Variants in CNTLN observed in about 807,000 individuals in gnomAD.
CNTLN encodes the protein centlein, also known as centlein, centrosomal protein.
A neutral mutation model predicts 180.0 loss-of-function variants in CNTLN; 212 were observed. That is an observed-to-expected ratio of 1.18 (90% CI 1.05 to 1.32). The LOEUF (loss-of-function observed/expected upper bound fraction) is 1.32. Ranked by LOEUF, CNTLN falls within the 40% of genes most tolerant of loss-of-function variation. CNTLN has a pLI of 0.00. For synonymous variants in CNTLN, 722 were observed against 563.1 expected (o/e 1.28, Z -3.99); for missense variants, 2,095 against 1,610.9 (o/e 1.30, Z -5.14).
intron 2 of CNTLN, among the ~76,000 whole-genome samples, chr9:17,162,421 G>C (rs1354853053): frequency 6.6e-6 from 1 of 152,088 alleles, no homozygotes; most frequent in African/African-American, 2.4e-5. Context: ...GCCTCGTCTT[G>C]CTTTCTTTTA....
At position 17,394,934 on chromosome 9, in the gene CNTLN, A is replaced by G. The variant is rs1826398421; in HGVS notation, c.2480A>G (p.Lys827Arg). The change falls in exon 15 of 26, where the codon AAG (lysine) becomes AGG (arginine). Residue 827 changes from lysine to arginine, a missense_variant. Transcript: ENST00000380647. The part of the protein sequence containing the change: ...GRYDCKTTMT[K>R]VKFKAAKKNC... The stretch of plus-strand genomic sequence containing the variant: ...TATGATTGTAAGACAACTATGACCA[A>G]GGTTAAATTTAAAGCTGCGAAGAAA... The G allele has an allele frequency of 2.5e-6, 4 of 1,614,118 alleles. No individual in the cohort carries two copies. Among genetic ancestry groups the G allele is most frequent in the South Asian group, 2.2e-5 (2 of 91,082 alleles).
In CNTLN at chr9:17,503,592, TCCCTC is replaced by T. The variant is rs1400544744; in HGVS notation, c.*941_*945del. The stretch of plus-strand genomic sequence containing the variant: ...CATCATTCAGCTCCACCTTCCCCGG[TCCCTC>T]AGAGACACATTCTCTGACCAGCTTA... On this transcript the variant is annotated 3_prime_UTR_variant, in exon 26 of 26. Transcript: ENST00000380647. 1 of 152,318 alleles carries T rather than the reference TCCCTC, an allele frequency of 6.6e-6. No individual in the cohort carries two copies. The highest frequency in any genetic ancestry group is 2.4e-5 in the African/African-American group (1 of 41,458). The allele number at this position is 152,318 out of a possible 1,614,324, so 9.4% of individuals were successfully genotyped here.
chr9:17,270,641 A>G (rs1328555974), intron 5 of CNTLN, among the ~76,000 whole-genome samples: 1 of 152,248 alleles, frequency 6.6e-6, no homozygotes, highest in Non-Finnish European at 1.5e-5. Context: ...AATTCTGTGT[A>G]ATGTTTCTCA....
rs114832217 is a variant in CNTLN at position 17,256,355 on chromosome 9, C to G, written c.850-17378C>G. ...ATCTCCAAACTGCTTTCCACAGTGA[C>G]TGAACTAATTTTCAAACCTACCAAC... On this transcript the variant is annotated intron_variant, in intron 5 of 25. Transcript: ENST00000380647. 3.6e-3 allele frequency among the ~76,000 whole-genome samples: 541 copies of G among 152,048 alleles called. 1 individual carries two copies. The highest frequency in any genetic ancestry group is 0.013 in the African/African-American group (524 of 41,532).
At position 17,484,284 on chromosome 9, in the gene CNTLN, A is replaced by G. The variant is rs200640957; in HGVS notation, c.3856-11A>G. ...TTAATATAAGCTCAATTTCTTTCCA[A>G]TATGTTACAGGCTTTGGCCAAAGAG... On this transcript the variant is annotated splice_polypyrimidine_tract_variant and intron_variant, in intron 23 of 25. Coordinates refer to ENST00000380647, the MANE Select transcript of CNTLN (RefSeq NM_017738.4). The G allele has an allele frequency of 5.7e-6, 9 of 1,571,038 alleles. No homozygotes were observed. Among genetic ancestry groups the G allele is most frequent in the African/African-American group, 2.8e-5 (2 of 72,130 alleles).
At chr9:17,428,360 C>A (rs922749980) in intron 18 of CNTLN, among the ~76,000 whole-genome samples, 1 of 152,126 alleles carries the variant, frequency 6.6e-6, no homozygotes, top group African/African-American at 2.4e-5. Flanking sequence ...ATCTTCTAAG[C>A]ACTTTGTGTG....
chr9:17,270,509 T>A (rs1402811780), intron 5 of CNTLN, among the ~76,000 whole-genome samples: 1 of 152,210 alleles, frequency 6.6e-6, no homozygotes, highest in Non-Finnish European at 1.5e-5. Flanking sequence ...GTATAGCTTA[T>A]TTTGGATTTT....
At chr9:17,307,271 A>G (rs1818783713) in intron 7 of CNTLN, among the ~76,000 whole-genome samples, 1 of 139,790 alleles carries the variant, frequency 7.2e-6, no homozygotes, top group Non-Finnish European at 1.5e-5. Flanking sequence ...ATCGATAGAT[A>G]ATTTTATTTT....
chr9:17,491,709 T>G (rs1833171503), intron 25 of CNTLN, among the ~76,000 whole-genome samples: 1 of 152,158 alleles, frequency 6.6e-6, no homozygotes, highest in Admixed American at 6.5e-5. Context: ...GTAAAGACTT[T>G]GATCAGTGGC....
intron 24 of CNTLN, among the ~76,000 whole-genome samples, chr9:17,486,270 T>C (rs1832883399): frequency 6.9e-6 from 1 of 144,532 alleles, no homozygotes; most frequent in Non-Finnish European, 1.6e-5. Flanking sequence ...CTGAAGTGCC[T>C]AGCATGATGC....
At chr9:17,357,430 C>T (rs1364316029) in intron 12 of CNTLN, among the ~76,000 whole-genome samples, 3 of 151,414 alleles carry the variant, frequency 2.0e-5, no homozygotes, top group Non-Finnish European at 4.4e-5. Flanking sequence ...GATTAACTTT[C>T]AATGTTTATC....
intron 5 of CNTLN, among the ~76,000 whole-genome samples, chr9:17,244,313 G>C (rs1301257149): frequency 6.6e-6 from 1 of 151,720 alleles, no homozygotes; most frequent in Non-Finnish European, 1.5e-5. Flanking sequence ...CTAGGCTCAA[G>C]CAATCCTCCC....
intron 2 of CNTLN, among the ~76,000 whole-genome samples, chr9:17,184,320 CAG>C (rs1491044036): frequency 2.0e-5 from 3 of 151,820 alleles, no homozygotes; most frequent in East Asian, 1.9e-4. Flanking sequence ...TTTGTTATAA[CAG>C]AGCACATTTT....
At chr9:17,468,333 C>G (rs575574608) in intron 23 of CNTLN, among the ~76,000 whole-genome samples, 1 of 151,330 alleles carries the variant, frequency 6.6e-6, no homozygotes, top group African/African-American at 2.4e-5. Context: ...ACATGAAACC[C>G]CTGCAACACA....
chr9:17,484,483 A>G lies in CNTLN; in HGVS notation c.4041+3A>G, dbSNP rs368149105. 4.4e-6 allele frequency: 7 copies of G among 1,580,228 alleles called. No individual in the cohort carries two copies. The African/African-American group carries it at 8.3e-5, about 19-fold the overall frequency. ...TATTAGACACAGAAGATCAAGTGGT[A>G]AGATCATTTAAATATTTATTATTAA... On this transcript the variant is annotated splice_donor_region_variant and intron_variant, in intron 24 of 25. Transcript: ENST00000380647.
intron 2 of CNTLN, among the ~76,000 whole-genome samples, chr9:17,159,571 T>C (rs1819534798): frequency 6.6e-6 from 1 of 152,176 alleles, no homozygotes; most frequent in African/African-American, 2.4e-5. Flanking sequence ...TACCCACTGC[T>C]CAATTGCACT....
At chr9:17,216,800 C>A (rs1823788178) in intron 2 of CNTLN, among the ~76,000 whole-genome samples, 1 of 152,150 alleles carries the variant, frequency 6.6e-6, no homozygotes, top group Non-Finnish European at 1.5e-5. Flanking sequence ...GTGTATTAAG[C>A]CAACATAGGC....
In CNTLN at chr9:17,298,223, A is replaced by G. The variant is rs1336590608; in HGVS notation, c.1017A>G (p.Lys339=). Residue 339 remains lysine, a synonymous_variant, in exon 7 of 26, where the codon AAA becomes AAG. Coordinates refer to ENST00000380647, the MANE Select transcript of CNTLN (RefSeq NM_017738.4). Reference sequence around the variant, plus strand: ...TGCAGGAGCTGCAGAATCTTTACAAACAGAACAGTACACATACAGCCCAGC... The same window carrying G: ...TGCAGGAGCTGCAGAATCTTTACAAGCAGAACAGTACACATACAGCCCAGC... ...KELQELQNLY[K]QNSTHTAQQA... is the part of the protein sequence containing the mutation. 1.9e-6 allele frequency: 3 copies of G among 1,557,220 alleles called. No individual in the cohort carries two copies. Among genetic ancestry groups the G allele is most frequent in the African/African-American group, 2.8e-5 (2 of 72,464 alleles).
intron 2 of CNTLN, among the ~76,000 whole-genome samples, chr9:17,145,863 T>A (rs929126236): frequency 1.3e-5 from 2 of 152,202 alleles, no homozygotes; most frequent in Non-Finnish European, 1.5e-5. Context: ...TTCTGACTCC[T>A]TAAATGACCG....
Sources: gnomAD v4.1 joint callset for allele counts (sites outside exome capture counted in the v4.1 genomes callset) on GRCh38, gnomAD v4.1.1 for gene constraint, MANE v1.5 for transcripts, NCBI Gene and HGNC (gene_info 2026-07-23, HGNC 2026-07-21) for gene names.